HMGB1: variants seen among roughly 807,000 people sequenced by gnomAD.
HMGB1 encodes the protein high mobility group protein B1.
For missense variants in HMGB1, 79 were observed against 253.5 expected (o/e 0.31, Z 4.67); for synonymous variants, 81 against 84.0 (o/e 0.96, Z 0.19).
chr13:30,468,014 A>G (rs1366046437), upstream of HMGB1, among the ~76,000 whole-genome samples: 1 of 152,202 alleles, frequency 6.6e-6, no homozygotes, highest in Non-Finnish European at 1.5e-5. Context: ...CAGCTCTGCT[A>G]CTTACTAGCT....
At chr13:30,548,299 C>T (rs780323385) in intron 1 of HMGB1, among the ~76,000 whole-genome samples, 14 of 152,130 alleles carry the variant, frequency 9.2e-5, no homozygotes, top group South Asian at 2.1e-4. Context: ...TCCTTCCTGT[C>T]GCCATGTAAA....
Position 30,559,391 on chromosome 13 carries a change from T to C in HMGB1, c.-15+57280A>G, listed in dbSNP as rs1566025104. 6.6e-6 allele frequency among the ~76,000 whole-genome samples: 1 copy of C among 152,206 alleles called. No homozygotes were observed. The highest frequency in any genetic ancestry group is 1.5e-5 in the Non-Finnish European group (1 of 68,034). On this transcript the variant is annotated intron_variant, in intron 1 of 4. Coordinates refer to the HMGB1 transcript ENST00000405805. The surrounding 1 kb of genome is among the most constrained non-coding windows in gnomAD (Gnocchi z 6.6). Reference sequence around the variant, plus strand: ...TCCCGGTAAGATGGCCCGAGTTTCATTGCTGGTTTACTAGTTTTGCTTCCT... The same window carrying C: ...TCCCGGTAAGATGGCCCGAGTTTCACTGCTGGTTTACTAGTTTTGCTTCCT...
chr13:30,556,706 A>G (rs1869706922), intron 1 of HMGB1, among the ~76,000 whole-genome samples: 1 of 152,238 alleles, frequency 6.6e-6, no homozygotes, highest in Non-Finnish European at 1.5e-5. Flanking sequence ...AGCTAAAAAA[A>G]GTTGATCTCA....
intron 1 of HMGB1, among the ~76,000 whole-genome samples, chr13:30,528,084 G>T (rs1236303967): frequency 6.6e-6 from 1 of 152,248 alleles, no homozygotes; most frequent in East Asian, 1.9e-4. Context: ...TCCTCATGCG[G>T]TCTTAACAAC....
intron 1 of HMGB1, among the ~76,000 whole-genome samples, chr13:30,480,587 C>G (rs1566000851): frequency 6.6e-6 from 1 of 152,066 alleles, no homozygotes; most frequent in Non-Finnish European, 1.5e-5. Flanking sequence ...TTCACAGGAG[C>G]AGTGTGGGTG....
chr13:30,539,540 G>C (rs1382842559), intron 1 of HMGB1: 2 of 279,198 alleles, frequency 7.2e-6, no homozygotes, highest in Non-Finnish European at 1.3e-5. Flanking sequence ...TCATTTACTG[G>C]GAGTTTTAAG....
intron 1 of HMGB1, among the ~76,000 whole-genome samples, chr13:30,600,495 G>A (rs905415082): frequency 6.6e-6 from 1 of 152,112 alleles, no homozygotes; most frequent in Non-Finnish European, 1.5e-5. Flanking sequence ...ACATTTTTGA[G>A]TACCTGCTAG....
chr13:30,551,077 G>C (rs182495792), intron 1 of HMGB1, among the ~76,000 whole-genome samples: 63 of 152,204 alleles, frequency 4.1e-4, no homozygotes, highest in African/African-American at 1.5e-3. Context: ...TTTCCCCCGA[G>C]TATCAGCAAC....
At chr13:30,606,018 T>C (rs148055525) in intron 1 of HMGB1, among the ~76,000 whole-genome samples, 22 of 152,312 alleles carry the variant, frequency 1.4e-4, no homozygotes, top group Admixed American at 1.4e-3. Flanking sequence ...CTGGGTATAT[T>C]ACAATTTCCC....
At chr13:30,505,854 G>A (rs1887853257) in intron 1 of HMGB1, among the ~76,000 whole-genome samples, 2 of 151,968 alleles carry the variant, frequency 1.3e-5, no homozygotes, top group African/African-American at 4.8e-5. Context: ...TCCTCTCAGG[G>A]GGCAGTCTGA....
chr13:30,475,134 CTCTCTTT>C (rs1289291486), intron 1 of HMGB1, among the ~76,000 whole-genome samples: 4,628 of 45,140 alleles, frequency 0.1, 136 homozygotes, highest in East Asian at 0.3. Context: ...CTCTCTCTCT[CTCTCTTT>C]TTTTTTTTTT....
At chr13:30,527,362 C>T (rs1022152973) in intron 1 of HMGB1, among the ~76,000 whole-genome samples, 2 of 152,150 alleles carry the variant, frequency 1.3e-5, no homozygotes, top group Admixed American at 6.5e-5. Flanking sequence ...TGACCTTTGT[C>T]CCCACCCTGA....
intron 1 of HMGB1, among the ~76,000 whole-genome samples, chr13:30,475,436 C>T (rs1887072300): frequency 6.6e-6 from 1 of 150,984 alleles, no homozygotes; most frequent in Admixed American, 6.6e-5. Context: ...TGGTCTTGAA[C>T]TCCTGGGCTC....
intron 1 of HMGB1, among the ~76,000 whole-genome samples, chr13:30,517,564 T>C (rs990435664): frequency 6.6e-6 from 1 of 152,128 alleles, no homozygotes; most frequent in African/African-American, 2.4e-5. Flanking sequence ...TGGCTAATTT[T>C]TGTATTTTTA....
intron 1 of HMGB1, among the ~76,000 whole-genome samples, chr13:30,600,981 T>C (rs1343847955): frequency 6.6e-6 from 1 of 152,186 alleles, no homozygotes; most frequent in Non-Finnish European, 1.5e-5. Flanking sequence ...TGGCCTGAAG[T>C]AACTGAAGAT....
At chr13:30,576,770 C>T (rs1016667472) in intron 1 of HMGB1, among the ~76,000 whole-genome samples, 1 of 152,038 alleles carries the variant, frequency 6.6e-6, no homozygotes, top group Non-Finnish European at 1.5e-5. Flanking sequence ...ACCCCACAGG[C>T]TTGCCCCTCC....
At chr13:30,538,294 T>C (rs1868547506) in intron 1 of HMGB1, among the ~76,000 whole-genome samples, 1 of 152,182 alleles carries the variant, frequency 6.6e-6, no homozygotes. Context: ...TTTGGTGGTA[T>C]AGAGAAGTAA....
intron 1 of HMGB1, among the ~76,000 whole-genome samples, chr13:30,477,539 T>G (rs999867100): frequency 2.6e-5 from 4 of 152,188 alleles, no homozygotes; most frequent in Admixed American, 6.5e-5. Context: ...ACAGTGGGCC[T>G]GTCCCAAGCC....
At chr13:30,588,384 C>T (rs9579612) in intron 1 of HMGB1, among the ~76,000 whole-genome samples, 4,485 of 152,146 alleles carry the variant, frequency 0.029, 240 homozygotes, top group African/African-American at 0.1. Flanking sequence ...GCAGGTGGAT[C>T]ATGTAGAACA....
Sources: allele counts gnomAD v4.1 joint callset (sites outside exome capture counted in the v4.1 genomes callset), GRCh38; gene constraint gnomAD v4.1.1; non-coding constraint Gnocchi (gnomAD v3.1); transcripts MANE v1.5; gene names NCBI Gene and HGNC (gene_info 2026-07-23, HGNC 2026-07-21).